Variants in IBA57 observed in about 807,000 individuals in gnomAD.
IBA57 encodes iron-sulfur cluster assembly factor IBA57.
IBA57 carries 20 observed loss-of-function variants against 20.4 expected under a neutral mutation model. The ratio of observed to expected loss-of-function variants is 0.98; its 90% CI spans 0.69 to 1.42. The LOEUF (loss-of-function observed/expected upper bound fraction) is 1.42. Among genes scored for constraint, IBA57 ranks in the 40% most tolerant of loss-of-function variants. The pLI is 0.00. For missense variants in IBA57, 608 were observed against 499.3 expected (o/e 1.22, Z -2.07); for synonymous variants, 310 against 233.9 (o/e 1.33, Z -2.97).
chr1:228,180,621 A>G lies in IBA57; in HGVS notation c.*5108A>G, dbSNP rs2035095002. 6.6e-6 allele frequency: 1 copy of G among 152,122 alleles called. No individual in the cohort carries two copies. The highest frequency in any genetic ancestry group is 1.5e-5 in the Non-Finnish European group (1 of 68,032). 9.4% of individuals were successfully genotyped at this position (152,122 alleles called of 1,614,324 possible). The stretch of plus-strand genomic sequence containing the variant: ...TTTAAAAGCCAGTCCTTCAAGGAGA[A>G]ATGAACAAACTCAAAATCGTAGTTG... On this transcript the variant is annotated 3_prime_UTR_variant, in exon 3 of 3. Coordinates refer to ENST00000366711, the MANE Select transcript of IBA57 (RefSeq NM_001010867.4).
chr1:228,180,475 T>G lies in IBA57; in HGVS notation c.*4962T>G, dbSNP rs2035091920. ...CTACAGTGTTCTAAAGTCCCCCTAC[T>G]GGTCGGAAGGAGGGCACGGACACTG... On this transcript the variant is annotated 3_prime_UTR_variant, in exon 3 of 3. Transcript: ENST00000366711. 1.3e-5 allele frequency: 2 copies of G among 152,324 alleles called. No homozygotes were observed. The highest frequency in any genetic ancestry group is 2.9e-5 in the Non-Finnish European group (2 of 68,032). 9.4% of individuals were successfully genotyped at this position (152,324 alleles called of 1,614,324 possible). A position where few individuals can be genotyped will look rare whatever the true frequency, so the allele number is the denominator to read the frequency against.
At position 228,165,850 on chromosome 1, in the gene IBA57, C is replaced by T; in HGVS notation, c.34C>T (p.Pro12Ser). The change falls in exon 1 of 3, where the codon CCG becomes TCG. Residue 12 changes from proline to serine, a missense_variant. Transcript: ENST00000366711. ...ATAALLRGATPGRGGPVWRWR... is the reference protein window; with the variant it reads ...ATAALLRGATSGRGGPVWRWR... ...CGCGGCGCTGCTTCGAGGCGCCACT[C>T]CGGGGCGCGGCGGCCCGGTCTGGCG... The T allele has an allele frequency of 8.4e-6, 11 of 1,308,196 alleles. No individual in the cohort carries two copies. Among genetic ancestry groups the T allele is most frequent in the Non-Finnish European group, 1.1e-5 (11 of 1,034,602 alleles). The allele number at this position is 1,308,196 out of a possible 1,614,324, so 81.0% of individuals were successfully genotyped here.
In IBA57 at chr1:228,175,533, C is replaced by T. The variant is rs1484537172; in HGVS notation, c.*20C>T. 1 of 1,537,860 alleles carries T rather than the reference C, an allele frequency of 6.5e-7. No homozygotes were observed. The highest frequency in any genetic ancestry group is 8.8e-7 in the Non-Finnish European group (1 of 1,141,132). On this transcript the variant is annotated 3_prime_UTR_variant, in exon 3 of 3. Transcript: ENST00000366711. ...AAGTAGTCCGAAGCCTTGGCTGGCGCAGGCTGATGGGGAGGCTGGGGCCTG... is the reference window on the plus strand; with the variant it reads ...AAGTAGTCCGAAGCCTTGGCTGGCGTAGGCTGATGGGGAGGCTGGGGCCTG...
Position 228,176,134 on chromosome 1 carries a change from G to A in IBA57, c.*621G>A, listed in dbSNP as rs2035015142. 1 of 152,504 alleles carries A rather than the reference G, an allele frequency of 6.6e-6. No individual in the cohort carries two copies. Among genetic ancestry groups the A allele is most frequent in the African/African-American group, 2.4e-5 (1 of 41,456 alleles). 9.4% of individuals were successfully genotyped at this position (152,504 alleles called of 1,614,324 possible). On this transcript the variant is annotated 3_prime_UTR_variant, in exon 3 of 3. Transcript: ENST00000366711. Reference sequence around the variant, plus strand: ...GTGGAAGGCTGTGCCCATCTCCCATGTTTCCCCACCTCTGTTCCTCCTCAG... The same window carrying A: ...GTGGAAGGCTGTGCCCATCTCCCATATTTCCCCACCTCTGTTCCTCCTCAG...
At position 228,175,358 on chromosome 1, in the gene IBA57, A is replaced by C; in HGVS notation, c.916A>C (p.Thr306Pro). 1 of 1,612,900 alleles carries C rather than the reference A, an allele frequency of 6.2e-7. No homozygotes were observed. Among genetic ancestry groups the C allele is most frequent in the Non-Finnish European group, 8.5e-7 (1 of 1,179,954 alleles). ...GATVLTASGQ[T>P]VGKFRAGQGN... ...CACGGTGCTGACTGCCTCAGGACAG[A>C]CTGTGGGCAAGTTCAGGGCTGGCCA... The change falls in exon 3 of 3, where the codon ACT (threonine) becomes CCT (proline). Residue 306 changes from threonine to proline, a missense_variant. Transcript: ENST00000366711.
chr1:228,174,869 A>G lies in IBA57; in HGVS notation c.519A>G (p.Ala173=). 1.2e-6 allele frequency: 2 copies of G among 1,609,886 alleles called. No homozygotes were observed. The highest frequency in any genetic ancestry group is 1.1e-5 in the South Asian group (1 of 90,798). Residue 173 remains alanine (A), a synonymous_variant, in exon 2 of 3, where the codon GCA becomes GCG. Transcript: ENST00000366711. The part of the protein sequence containing the change: ...LPSSPEACGA[A]SLQERAGAAA... ...GTTCCCCTGAGGCCTGCGGGGCTGC[A>G]TCGCTGCAGGAGAGGGCAGGGGCTG...
rs770987687 is a variant in IBA57, at chr1:228,175,308, C to T, written c.866C>T (p.Pro289Leu). ...CCTGTCCGGTTCTTGGACCCCCTTC[C>T]CACCAGTGGCATCACCCCTGGTGCC... ...LFPVRFLDPL[P>L]TSGITPGATV... is the part of the protein sequence containing the mutation. Residue 289 changes from proline (P) to leucine (L), a missense_variant, in exon 3 of 3, where the codon CCC becomes CTC. By Grantham distance (98) the Pro-to-Leu change is moderately conservative (BLOSUM62 -3). Coordinates refer to ENST00000366711, the MANE Select transcript of IBA57 (RefSeq NM_001010867.4). 5.6e-6 allele frequency: 9 copies of T among 1,612,974 alleles called. No individual in the cohort carries two copies. The highest frequency in any genetic ancestry group is 3.3e-5 in the Admixed American group (2 of 60,030).
rs2034912538 is a variant in IBA57 at position 228,170,723 on chromosome 1, G to A, written c.342-3969G>A. ...GCTGCGAGCTGGCCGGGGCAAGGAT[G>A]TGGACTCAGTGCAGGGCTCAGCAGG... On this transcript the variant is annotated intron_variant, in intron 1 of 2. Transcript: ENST00000366711. The surrounding 1 kb of genome is among the most constrained non-coding windows in gnomAD (Gnocchi z 4.8). Among the ~76,000 whole-genome samples the A allele has an allele frequency of 6.6e-6, 1 of 152,216 alleles. No homozygotes were observed. Among genetic ancestry groups the A allele is most frequent in the African/African-American group, 2.4e-5 (1 of 41,446 alleles).
Position 228,170,559 on chromosome 1 carries a change from T to C in IBA57, c.342-4133T>C, listed in dbSNP as rs908199144. 2.6e-5 allele frequency among the ~76,000 whole-genome samples: 4 copies of C among 152,168 alleles called. No individual in the cohort carries two copies. The highest frequency in any genetic ancestry group is 7.2e-5 in the African/African-American group (3 of 41,442). On this transcript the variant is annotated intron_variant, in intron 1 of 2. Transcript: ENST00000366711. The surrounding 1 kb of genome is among the most constrained non-coding windows in gnomAD (Gnocchi z 4.8). ...TCTCCTGCCTCAGCTTCACAAAGTGTTGGGATTGCGGGCATGAGCCACCAT... is the reference window on the plus strand; with the variant it reads ...TCTCCTGCCTCAGCTTCACAAAGTGCTGGGATTGCGGGCATGAGCCACCAT...
rs2035040314 is a variant in IBA57, at chr1:228,177,189, G to T, written c.*1676G>T. The T allele has an allele frequency of 6.6e-6, 1 of 152,314 alleles. No individual in the cohort carries two copies. Among genetic ancestry groups the T allele is most frequent in the South Asian group, 2.1e-4 (1 of 4,834 alleles). 9.4% of individuals were successfully genotyped at this position (152,314 alleles called of 1,614,324 possible). On this transcript the variant is annotated 3_prime_UTR_variant, in exon 3 of 3. Coordinates refer to ENST00000366711, the MANE Select transcript of IBA57 (RefSeq NM_001010867.4). ...CCTGCATGAGGGGCATGCACCCCTG[G>T]AATGAGGGTCTGTGCCTCGAGCTCA...
intron 1 of IBA57, among the ~76,000 whole-genome samples, chr1:228,167,088 C>T (rs1166431981): frequency 6.6e-6 from 1 of 152,222 alleles, no homozygotes; most frequent in African/African-American, 2.4e-5. Flanking sequence ...GCCAGCTTTT[C>T]TGAGAAGTCT....
rs1338054165 is a variant in IBA57, at chr1:228,165,877, T to C, written c.61T>C (p.Trp21Arg). Reference sequence around the variant, plus strand: ...GGGGCGCGGCGGCCCGGTCTGGCGCTGGCGGCTGCGCGCGGCCCCAAGGTG... The same window carrying C: ...GGGGCGCGGCGGCCCGGTCTGGCGCCGGCGGCTGCGCGCGGCCCCAAGGTG... Reference protein sequence around the residue: ...TPGRGGPVWRWRLRAAPRCRL... With the variant: ...TPGRGGPVWRRRLRAAPRCRL... Residue 21 changes from tryptophan to arginine, a missense_variant, in exon 1 of 3, where the codon TGG (tryptophan) becomes CGG (arginine). Physicochemically the swap from Trp to Arg is moderately radical, Grantham distance 101. Transcript: ENST00000366711. 3 of 1,336,422 alleles carry C rather than the reference T, an allele frequency of 2.2e-6. No homozygotes were observed. The highest frequency in any genetic ancestry group is 2.9e-6 in the Non-Finnish European group (3 of 1,049,928). 82.8% of individuals were successfully genotyped at this position (1,336,422 alleles called of 1,614,324 possible).
rs150078150 is a variant in IBA57 at position 228,175,293 on chromosome 1, T to C, written c.851T>C (p.Phe284Ser). 1.9e-6 allele frequency: 3 copies of C among 1,612,748 alleles called. No homozygotes were observed. In the African/African-American group the frequency reaches 4.0e-5, roughly 22 times the overall value. The part of the protein sequence containing the change: ...VIRKRLFPVR[F>S]LDPLPTSGIT... ...CGCAAGCGCCTCTTCCCTGTCCGGT[T>C]CTTGGACCCCCTTCCCACCAGTGGC... Residue 284 changes from phenylalanine to serine, a missense_variant, in exon 3 of 3, where the codon TTC becomes TCC. Physicochemically the swap from Phe to Ser is radical, Grantham distance 155. Transcript: ENST00000366711.
At chr1:228,171,489 C>G (rs2034927099) in intron 1 of IBA57, 1 of 152,364 alleles carries the variant, frequency 6.6e-6, no homozygotes, top group African/African-American at 2.4e-5. Context: ...AGGACATCCA[C>G]CCTGTGTGAG....
Position 228,177,557 on chromosome 1 carries a change from T to G in IBA57, c.*2044T>G, listed in dbSNP as rs2035045570. The G allele has an allele frequency of 7.4e-6, 1 of 135,686 alleles. No individual in the cohort carries two copies. The highest frequency in any genetic ancestry group is 1.5e-5 in the Non-Finnish European group (1 of 65,456). 8.4% of individuals were successfully genotyped at this position (135,686 alleles called of 1,614,324 possible). A position where few individuals can be genotyped will look rare whatever the true frequency, so the allele number is the denominator to read the frequency against. ...CAGGCTGGAGCTCAGTGGCACAATC[T>G]CTGCTCACTGCAACCTCTGCCTCCC... On this transcript the variant is annotated 3_prime_UTR_variant, in exon 3 of 3. Transcript: ENST00000366711.
Position 228,165,847 on chromosome 1 carries a change from A to C in IBA57, c.31A>C (p.Thr11Pro). Reference protein sequence around the residue: MATAALLRGATPGRGGPVWRW... With the variant: MATAALLRGAPPGRGGPVWRW... ...GACCGCGGCGCTGCTTCGAGGCGCC[A>C]CTCCGGGGCGCGGCGGCCCGGTCTG... Residue 11 changes from threonine to proline, a missense_variant, in exon 1 of 3, where the codon ACT (threonine) becomes CCT (proline). By Grantham distance (38) the Thr-to-Pro change is conservative. Coordinates refer to ENST00000366711, the MANE Select transcript of IBA57 (RefSeq NM_001010867.4). The C allele has an allele frequency of 7.7e-7, 1 of 1,306,312 alleles. No individual in the cohort carries two copies. Among genetic ancestry groups the C allele is most frequent in the Non-Finnish European group, 9.7e-7 (1 of 1,033,484 alleles). 80.9% of individuals were successfully genotyped at this position (1,306,312 alleles called of 1,614,324 possible).
chr1:228,166,154 A>T lies in IBA57; in HGVS notation c.338A>T (p.Tyr113Phe). 1 of 1,500,006 alleles carries T rather than the reference A, an allele frequency of 6.7e-7. No homozygotes were observed. The highest frequency in any genetic ancestry group is 8.9e-7 in the Non-Finnish European group (1 of 1,123,002). The allele number at this position is 1,500,006 out of a possible 1,614,324, so 92.9% of individuals were successfully genotyped here. ...QGRTLYDVIL[Y>F]GLQEHSEVSG... is the part of the protein sequence containing the mutation. ...CGGACGCTCTATGACGTCATCTTGTACGGGTGAGCGCGTGCTGGGAGGGCG... is the reference window on the plus strand; with the variant it reads ...CGGACGCTCTATGACGTCATCTTGTTCGGGTGAGCGCGTGCTGGGAGGGCG... Residue 113 changes from tyrosine to phenylalanine, a missense_variant, in exon 1 of 3, where the codon TAC becomes TTC. Physicochemically the swap from Tyr to Phe is conservative, Grantham distance 22. Coordinates refer to ENST00000366711, the MANE Select transcript of IBA57 (RefSeq NM_001010867.4).
At chr1:228,174,111 G>C (rs150130570) in intron 1 of IBA57, among the ~76,000 whole-genome samples, 2,044 of 151,502 alleles carry the variant, frequency 0.013, 47 homozygotes, top group African/African-American at 0.047. Flanking sequence ...TGCCTGGTGT[G>C]GCTGTGGGCG....
At chr1:228,169,316 C>T (rs1304675834) in intron 1 of IBA57, among the ~76,000 whole-genome samples, 2 of 152,158 alleles carry the variant, frequency 1.3e-5, no homozygotes, top group Non-Finnish European at 2.9e-5. Flanking sequence ...AATATATCAT[C>T]CTGAGCCATC....
Sources: allele counts gnomAD v4.1 joint callset (sites outside exome capture counted in the v4.1 genomes callset), GRCh38; gene constraint gnomAD v4.1.1; non-coding constraint Gnocchi (gnomAD v3.1); transcripts MANE v1.5; gene names NCBI Gene and HGNC (gene_info 2026-07-23, HGNC 2026-07-21).